SLIT2: variants seen among roughly 807,000 people sequenced by gnomAD.
SLIT2 encodes the protein slit homolog 2 protein.
In SLIT2, 41 loss-of-function variants were observed where a neutral mutation model predicts 185.7. The ratio of observed to expected loss-of-function variants is 0.22; its 90% CI spans 0.17 to 0.29. The LOEUF (loss-of-function observed/expected upper bound fraction) is 0.29, where lower values mean the gene tolerates loss of function less well. Ranked by LOEUF, SLIT2 falls within the 10% of genes least tolerant of loss-of-function variation. The probability of loss-of-function intolerance (pLI) is 1.00; values close to 1 mark genes in which losing one functional copy is unlikely to be tolerated. For synonymous variants in SLIT2, 693 were observed against 680.2 expected (o/e 1.02, Z -0.29); for missense variants, 1,571 against 1,909.0 (o/e 0.82, Z 3.30).
chr4:20,388,119 A>G lies in SLIT2; in HGVS notation c.396-79633A>G, dbSNP rs139212590. 4.7e-3 allele frequency among the ~76,000 whole-genome samples: 710 copies of G among 152,290 alleles called. 3 individuals are homozygous for G. The highest frequency in any genetic ancestry group is 6.2e-3 in the Non-Finnish European group (421 of 68,024). On this transcript the variant is annotated intron_variant, in intron 4 of 36. Transcript: ENST00000504154. ...AATATGACATCTATGAAAACCCGAC[A>G]TAGAACATCATATTTGCTGGTAAAA...
At chr4:20,474,438 T>A (rs1482503108) in intron 5 of SLIT2, among the ~76,000 whole-genome samples, 1 of 152,088 alleles carries the variant, frequency 6.6e-6, no homozygotes, top group Non-Finnish European at 1.5e-5. Context: ...TTTTTCTTTG[T>A]CTTCAGAGTG....
intron 4 of SLIT2, among the ~76,000 whole-genome samples, chr4:20,315,286 G>A (rs566759323): frequency 1.3e-5 from 2 of 152,102 alleles, no homozygotes; most frequent in Non-Finnish European, 2.9e-5. Context: ...ACTGCAAAAC[G>A]TCATGAATAT....
At chr4:20,283,111 TGCGC>T (rs1238465824) in intron 4 of SLIT2, among the ~76,000 whole-genome samples, 1 of 143,640 alleles carries the variant, frequency 7.0e-6, no homozygotes, top group African/African-American at 2.8e-5. Context: ...TGTGCCTGTG[TGCGC>T]GCGCGCACAC....
At chr4:20,486,818 T>G (rs1415943947) in intron 7 of SLIT2, among the ~76,000 whole-genome samples, 1 of 152,044 alleles carries the variant, frequency 6.6e-6, no homozygotes, top group Non-Finnish European at 1.5e-5. Context: ...GAAGAAAAAG[T>G]AATCCTTAAA....
intron 18 of SLIT2, among the ~76,000 whole-genome samples, chr4:20,538,508 T>C (rs985303022): frequency 1.3e-5 from 2 of 152,246 alleles, no homozygotes; most frequent in African/African-American, 2.4e-5. Context: ...ACTTTGTTTC[T>C]TTATTTTTAC....
intron 29 of SLIT2, among the ~76,000 whole-genome samples, chr4:20,570,729 A>ATG (rs111454657): frequency 4.4e-5 from 2 of 44,976 alleles, no homozygotes; most frequent in Admixed American, 3.8e-4. Flanking sequence ...ATATATATAT[A>ATG]TGTATATATA....
At chr4:20,598,123 T>C in intron 32 of SLIT2, 142 bp from the exon 33 acceptor site, 1 of 677,524 alleles carries the variant, frequency 1.5e-6, no homozygotes, top group Non-Finnish European at 2.4e-6. Context: ...TTTCAAGGAA[T>C]AATTTCAGCA....
intron 9 of SLIT2, among the ~76,000 whole-genome samples, chr4:20,499,897 G>T (rs1300910002): frequency 6.6e-6 from 1 of 152,088 alleles, no homozygotes; most frequent in Non-Finnish European, 1.5e-5. Context: ...ATCAAAGTAT[G>T]AATTTTTGAT....
chr4:20,525,738 T>G (rs189347645), intron 15 of SLIT2, among the ~76,000 whole-genome samples: 7 of 152,292 alleles, frequency 4.6e-5, no homozygotes, highest in Admixed American at 4.6e-4. Context: ...TGTTTCTTAT[T>G]TGTTTATGAC....
At chr4:20,308,822 A>C (rs1400603083) in intron 4 of SLIT2, among the ~76,000 whole-genome samples, 1 of 152,194 alleles carries the variant, frequency 6.6e-6, no homozygotes, top group East Asian at 1.9e-4. Context: ...GTACATATGT[A>C]CATACAAACA....
In SLIT2 at chr4:20,325,840, C is replaced by A. The variant is rs117250544; in HGVS notation, c.395+56959C>A. Among the ~76,000 whole-genome samples the A allele has an allele frequency of 5.1e-4, 77 of 152,110 alleles. 1 individual carries two copies. In the East Asian group the frequency reaches 0.013, roughly 26 times the overall value. ...AAAAACTCTTGATGAGCTATTGTTT[C>A]TTTTTTTATAGTTGACCATAATTTT... On this transcript the variant is annotated intron_variant, in intron 4 of 36. Coordinates refer to ENST00000504154, the MANE Select transcript of SLIT2 (RefSeq NM_004787.4).
At chr4:20,389,840 A>G (rs952264987) in intron 4 of SLIT2, among the ~76,000 whole-genome samples, 32 of 152,218 alleles carry the variant, frequency 2.1e-4, no homozygotes, top group African/African-American at 6.7e-4. Flanking sequence ...TGGAGGCTCT[A>G]TTGCCAGACA....
intron 4 of SLIT2, among the ~76,000 whole-genome samples, chr4:20,445,873 C>T (rs768879678): frequency 2.6e-5 from 4 of 152,150 alleles, no homozygotes; most frequent in East Asian, 3.9e-4. Context: ...AGTTCCTGAG[C>T]GTGTCAAGTG....
intron 19 of SLIT2, among the ~76,000 whole-genome samples, chr4:20,540,981 A>G (rs1179248053): frequency 6.6e-6 from 1 of 152,218 alleles, no homozygotes; most frequent in Non-Finnish European, 1.5e-5. Context: ...AGAGCAAATA[A>G]GAGATGGAAA....
chr4:20,548,792 C>G (rs1339066243), intron 23 of SLIT2, among the ~76,000 whole-genome samples: 1 of 151,976 alleles, frequency 6.6e-6, no homozygotes, highest in African/African-American at 2.4e-5. Context: ...GGGGAGATCC[C>G]TAAGATAGGG....
intron 4 of SLIT2, among the ~76,000 whole-genome samples, chr4:20,373,322 G>T (rs1476779478): frequency 6.6e-6 from 1 of 152,010 alleles, no homozygotes; most frequent in Non-Finnish European, 1.5e-5. Context: ...TATGTAACAT[G>T]AATCTCAATT....
chr4:20,533,140 C>T (rs556498538), intron 17 of SLIT2, among the ~76,000 whole-genome samples: 1 of 152,352 alleles, frequency 6.6e-6, no homozygotes, highest in Admixed American at 6.5e-5. Flanking sequence ...TATTCAAATA[C>T]ATTCCTGATG....
rs117744449 is a variant in SLIT2 at position 20,530,565 on chromosome 4, G to A, written c.1614-1419G>A. On this transcript the variant is annotated intron_variant, in intron 16 of 36. Transcript: ENST00000504154. ...CTCAAAGTGCCAGGGTTACAGGCAT[G>A]AGACACTGCCCCTGGCCTAGCACTT... Among the ~76,000 whole-genome samples the A allele has an allele frequency of 5.0e-3, 766 of 152,280 alleles. 15 individuals carry two copies. In the South Asian group the frequency reaches 0.054, roughly 11 times the overall value.
chr4:20,282,574 G>A (rs1338868617), intron 4 of SLIT2, among the ~76,000 whole-genome samples: 2 of 152,208 alleles, frequency 1.3e-5, no homozygotes, highest in East Asian at 3.9e-4. Flanking sequence ...GCACTCCAGT[G>A]GTTCAAGAGA....
Sources: allele counts gnomAD v4.1 joint callset (sites outside exome capture counted in the v4.1 genomes callset), GRCh38; gene constraint gnomAD v4.1.1; transcripts MANE v1.5; gene names NCBI Gene and HGNC (gene_info 2026-07-23, HGNC 2026-07-21).